Variants in TMTC2 observed in about 807,000 individuals in gnomAD.
TMTC2 encodes the protein protein O-mannosyl-transferase TMTC2.
Under a neutral mutation model 82.4 loss-of-function variants are expected in TMTC2, and 43 were observed. The ratio of observed to expected loss-of-function variants is 0.52; its 90% confidence interval spans 0.41 to 0.67. The LOEUF (loss-of-function observed/expected upper bound fraction) is 0.67, where lower values mean the gene tolerates loss of function less well. Among genes scored for constraint, TMTC2 ranks in the 30% least tolerant of loss-of-function variants. The pLI, the probability that TMTC2 is intolerant of heterozygous loss-of-function variation, is 0.00. For missense variants in TMTC2, 919 were observed against 1,012.4 expected (o/e 0.91, Z 1.25); for synonymous variants, 408 against 381.9 (o/e 1.07, Z -0.80).
chr12:82,760,615 C>T (rs765799743), intron 1 of TMTC2, among the ~76,000 whole-genome samples: 2 of 151,880 alleles, frequency 1.3e-5, no homozygotes, highest in African/African-American at 2.4e-5. Context: ...CAGTATGGGT[C>T]CATGGCCTGT....
intron 3 of TMTC2, among the ~76,000 whole-genome samples, chr12:82,910,997 C>G (rs1874616185): frequency 6.6e-6 from 1 of 151,998 alleles, no homozygotes; most frequent in Non-Finnish European, 1.5e-5. Flanking sequence ...TCTCCTGCCT[C>G]AGCCTCCCGA....
chr12:82,895,915 C>T lies in TMTC2; in HGVS notation c.752C>T (p.Pro251Leu), dbSNP rs759917856. 1 of 1,613,934 alleles carries T rather than the reference C, an allele frequency of 6.2e-7. No individual in the cohort carries two copies. The change falls in exon 3 of 12, where the codon CCA (proline) becomes CTA (leucine). Residue 251 changes from proline (P) to leucine (L), a missense_variant. Transcript: ENST00000321196. ...TTATACTGGATGGGAAACAAACCAC[C>T]AAGCTTTTCCAACTCGGACAACCCC... ...ARLYWMGNKP[P>L]SFSNSDNPAA...
chr12:82,753,251 G>A (rs1041386464), intron 1 of TMTC2, among the ~76,000 whole-genome samples: 3 of 151,346 alleles, frequency 2.0e-5, no homozygotes, highest in East Asian at 1.9e-4. Context: ...TTTTATAGAC[G>A]TATATAAGGA....
Position 82,761,238 on chromosome 12 carries a change from G to C in TMTC2, c.83+73569G>C, listed in dbSNP as rs75775667. On this transcript the variant is annotated intron_variant, in intron 1 of 11. Coordinates refer to ENST00000321196, the MANE Select transcript of TMTC2 (RefSeq NM_152588.3). Reference sequence around the variant, plus strand: ...CATTTTCTCACTCTGAAACAACAAAGTACCTTTTTCATTGGACTAAATGTT... The same window carrying C: ...CATTTTCTCACTCTGAAACAACAAACTACCTTTTTCATTGGACTAAATGTT... Among the ~76,000 whole-genome samples the C allele has an allele frequency of 4.2e-3, 636 of 152,270 alleles. 4 individuals are homozygous for C. Among genetic ancestry groups the C allele is most frequent in the African/African-American group, 0.015 (603 of 41,530 alleles).
chr12:82,958,371 CA>C lies in TMTC2; in HGVS notation c.1599-6645del, dbSNP rs920765326. Among the ~76,000 whole-genome samples the C allele has an allele frequency of 1.3e-3, 24 of 18,960 alleles. 1 individual carries two copies. Among genetic ancestry groups the C allele is most frequent in the East Asian group, 6.1e-3 (7 of 1,150 alleles). 12.4% of individuals were successfully genotyped at this position (18,960 alleles called of 152,430 possible). A position where few individuals can be genotyped will look rare whatever the true frequency, so the allele number is the denominator to read the frequency against. ...GTCTGTCTCAAAAAAAAAAAAAAAA[CA>C]AAAAAAACAAAAAAACTACTGACCA... is the stretch of plus-strand genomic sequence containing the variant. On this transcript the variant is annotated intron_variant, in intron 4 of 11. Coordinates refer to ENST00000321196, the MANE Select transcript of TMTC2 (RefSeq NM_152588.3).
intron 1 of TMTC2, among the ~76,000 whole-genome samples, chr12:82,717,540 G>T (rs1873958947): frequency 6.6e-6 from 1 of 151,978 alleles, no homozygotes; most frequent in Non-Finnish European, 1.5e-5. Context: ...CCGGCAAAAG[G>T]TATTTTTTAT....
intron 8 of TMTC2, among the ~76,000 whole-genome samples, chr12:83,006,407 G>T (rs1319157726): frequency 6.6e-6 from 1 of 152,054 alleles, no homozygotes; most frequent in South Asian, 2.1e-4. Context: ...TTATTTCTTT[G>T]CTATCAGTTG....
At chr12:82,745,894 A>G (rs992130811) in intron 1 of TMTC2, among the ~76,000 whole-genome samples, 4 of 152,158 alleles carry the variant, frequency 2.6e-5, no homozygotes, top group Non-Finnish European at 5.9e-5. Context: ...GTACTGCAAA[A>G]TGATTGAGAC....
intron 11 of TMTC2, among the ~76,000 whole-genome samples, chr12:83,095,989 A>G (rs1884015944): frequency 6.6e-6 from 1 of 152,256 alleles, no homozygotes; most frequent in South Asian, 2.1e-4. Context: ...CATGTATGTG[A>G]ATAGGAGAAA....
intron 8 of TMTC2, among the ~76,000 whole-genome samples, chr12:83,019,710 A>G (rs1880828988): frequency 6.6e-6 from 1 of 152,138 alleles, no homozygotes; most frequent in Non-Finnish European, 1.5e-5. Flanking sequence ...TGTTCTATCC[A>G]CATTATTCTG....
intron 1 of TMTC2, among the ~76,000 whole-genome samples, chr12:82,756,221 G>C (rs1430479919): frequency 6.6e-6 from 1 of 152,038 alleles, no homozygotes; most frequent in South Asian, 2.1e-4. Context: ...TAAAAAGCTT[G>C]TAAAATTATT....
Position 82,909,487 on chromosome 12 carries a change from G to A in TMTC2, c.1483+12841G>A, listed in dbSNP as rs543434490. Among the ~76,000 whole-genome samples, 10 of 152,078 alleles carry A rather than the reference G, an allele frequency of 6.6e-5. No individual in the cohort carries two copies. The South Asian group carries it at 1.2e-3, about 19-fold the overall frequency. Reference sequence around the variant, plus strand: ...CCCAAGTAGCTGGGATTACAGGCACGTGCCACCACACCCTGCCAATTTTTT... The same window carrying A: ...CCCAAGTAGCTGGGATTACAGGCACATGCCACCACACCCTGCCAATTTTTT... On this transcript the variant is annotated intron_variant, in intron 3 of 11. Transcript: ENST00000321196.
chr12:82,688,201 A>G (rs1316572269), intron 1 of TMTC2, among the ~76,000 whole-genome samples: 4 of 152,124 alleles, frequency 2.6e-5, no homozygotes, highest in Non-Finnish European at 4.4e-5. Context: ...ACGTGTATAG[A>G]CTTTTACTTT....
At chr12:82,778,889 C>G (rs1490970855) in intron 1 of TMTC2, among the ~76,000 whole-genome samples, 6 of 107,058 alleles carry the variant, frequency 5.6e-5, no homozygotes, top group African/African-American at 2.2e-4. Flanking sequence ...TGCAAAAAAT[C>G]AGTTGGATGT....
intron 2 of TMTC2, among the ~76,000 whole-genome samples, chr12:82,866,652 C>T (rs1871883055): frequency 6.6e-6 from 1 of 152,138 alleles, no homozygotes; most frequent in Admixed American, 6.5e-5. Flanking sequence ...CGATGGATAT[C>T]AGGTTACTCA....
chr12:83,104,008 C>T (rs1482492402), intron 11 of TMTC2, among the ~76,000 whole-genome samples: 2 of 152,242 alleles, frequency 1.3e-5, no homozygotes. Context: ...AGGCCCCATG[C>T]AAGTTCAGAC....
At chr12:82,980,067 T>C (rs2137327002) in intron 7 of TMTC2, among the ~76,000 whole-genome samples, 1 of 151,962 alleles carries the variant, frequency 6.6e-6, no homozygotes, top group Admixed American at 6.6e-5. Context: ...TTGAGTTAAA[T>C]CTTCTTGATG....
chr12:82,856,602 T>C (rs1033257059), intron 1 of TMTC2, among the ~76,000 whole-genome samples: 6 of 152,176 alleles, frequency 3.9e-5, no homozygotes, highest in Admixed American at 3.9e-4. Flanking sequence ...TTATTTCTAG[T>C]AGGAGGCTAG....
At chr12:82,994,325 A>G (rs1592680567) in intron 8 of TMTC2, among the ~76,000 whole-genome samples, 2 of 152,060 alleles carry the variant, frequency 1.3e-5, no homozygotes, top group African/African-American at 4.8e-5. Flanking sequence ...GGATAATTTT[A>G]GTAAAGCTGT....
Sources: gnomAD v4.1 joint callset for allele counts (sites outside exome capture counted in the v4.1 genomes callset) on GRCh38, gnomAD v4.1.1 for gene constraint, MANE v1.5 for transcripts, NCBI Gene and HGNC (gene_info 2026-07-23, HGNC 2026-07-21) for gene names.